The following VPS35L variants were observed in gnomAD, a reference collection of about 807,000 sequenced individuals.
VPS35L encodes the protein VPS35 endosomal protein sorting factor like.
A neutral mutation model predicts 133.0 loss-of-function variants in VPS35L; 83 were observed. The observed-to-expected ratio is 0.62, with a 90% CI of 0.52 to 0.75. The LOEUF is 0.75. Ranked by LOEUF, VPS35L falls within the 30% of genes least tolerant of loss-of-function variation. The pLI is 0.00. For synonymous variants in VPS35L, 423 were observed against 449.9 expected, an observed-to-expected ratio of 0.94 and a Z score of 0.76; for missense variants, 1,083 against 1,206.8, an observed-to-expected ratio of 0.90 and a Z score of 1.52.
At position 19,699,577 on chromosome 16, in the gene VPS35L, A is replaced by G; in HGVS notation, c.2722A>G (p.Lys908Glu). 6.2e-7 allele frequency: 1 copy of G among 1,614,084 alleles called. No homozygotes were observed. The highest frequency in any genetic ancestry group is 8.5e-7 in the Non-Finnish European group (1 of 1,180,002). Residue 908 changes from lysine to glutamate, a missense_variant, in exon 30 of 31, where the codon AAG becomes GAG. Coordinates refer to ENST00000417362, the MANE Select transcript of VPS35L (RefSeq NM_020314.7). The surrounding 1 kb of genome is among the most constrained non-coding windows in gnomAD (Gnocchi z 4.2). Reference protein sequence around the residue: ...ILAHGDLRNNKLNQLSVNLWH... With the variant: ...ILAHGDLRNNELNQLSVNLWH... Reference sequence around the variant, plus strand: ...GGCCCATGGGGACCTACGCAACAACAAGCTCAACCAGCTCTCCGTCAACCT... The same window carrying G: ...GGCCCATGGGGACCTACGCAACAACGAGCTCAACCAGCTCTCCGTCAACCT...
chr16:19,699,437 C>A lies in VPS35L; in HGVS notation c.2647-65C>A. ...CCTACCCCAGAGTCAGCACTGTCCA[C>A]AGCATCTCTGCGGGGCACGGCCTGA... On this transcript the variant is annotated intron_variant, in intron 29 of 30. Transcript: ENST00000417362. This position sits in a 1 kb window ranked among gnomAD's most constrained non-coding sequence, Gnocchi z 4.2. 2 of 1,592,546 alleles carry A rather than the reference C, an allele frequency of 1.3e-6. No individual in the cohort carries two copies. The highest frequency in any genetic ancestry group is 1.7e-6 in the Non-Finnish European group (2 of 1,166,312).
intron 26 of VPS35L, among the ~76,000 whole-genome samples, chr16:19,653,728 G>C (rs1050762556): frequency 1.3e-5 from 2 of 152,182 alleles, no homozygotes; most frequent in African/African-American, 4.8e-5. Flanking sequence ...CATTGTCTTC[G>C]TAGGGCATTC....
intron 27 of VPS35L, among the ~76,000 whole-genome samples, chr16:19,673,373 T>C (rs1463913532): frequency 2.0e-5 from 3 of 152,218 alleles, no homozygotes; most frequent in Non-Finnish European, 4.4e-5. Context: ...ACCTGGCCAG[T>C]TGGCTGCAGC....
Position 19,577,868 on chromosome 16 carries a change from C to G in VPS35L, c.434-1184C>G, listed in dbSNP as rs1971584372. ...AGCAGGCTGTCATCAGGCACTGGGACCTAATCTGCTGGGACCTTGATCTTG... is the reference window on the plus strand; with the variant it reads ...AGCAGGCTGTCATCAGGCACTGGGAGCTAATCTGCTGGGACCTTGATCTTG... On this transcript the variant is annotated intron_variant, in intron 5 of 30. Coordinates refer to ENST00000417362, the MANE Select transcript of VPS35L (RefSeq NM_020314.7). Among the ~76,000 whole-genome samples the G allele has an allele frequency of 2.6e-5, 4 of 152,194 alleles. No homozygotes were observed. In the South Asian group the frequency reaches 8.3e-4, roughly 32 times the overall value.
At chr16:19,607,259 C>G (rs1464507011) in intron 9 of VPS35L, among the ~76,000 whole-genome samples, 1 of 152,184 alleles carries the variant, frequency 6.6e-6, no homozygotes, top group Non-Finnish European at 1.5e-5. Context: ...CAGCTAGCCC[C>G]TGGTACCAAG....
chr16:19,622,140 CTTTTTTTTTT>C (rs60521137), intron 14 of VPS35L, among the ~76,000 whole-genome samples: 17 of 107,920 alleles, frequency 1.6e-4, no homozygotes, highest in African/African-American at 5.7e-4. Flanking sequence ...CCATGTATAT[CTTTTTTTTTT>C]TTTTTTTTTT....
At chr16:19,651,909 A>C (rs1353179525) in intron 25 of VPS35L, 67 bp from the exon 26 acceptor site, 18 of 1,126,934 alleles carry the variant, frequency 1.6e-5, no homozygotes, top group Non-Finnish European at 2.4e-5. Context: ...TACATGAGGG[A>C]TGAAAACAGG....
At chr16:19,608,519 AG>A (rs111747648) in intron 10 of VPS35L, 5,054 of 479,664 alleles carry the variant, frequency 0.011, 206 homozygotes, top group African/African-American at 0.088. Flanking sequence ...TGTTTCCTTG[AG>A]GAACATTCCC....
At chr16:19,608,052 A>C in intron 9 of VPS35L, 126 bp from the exon 10 acceptor site, 1 of 686,656 alleles carries the variant, frequency 1.5e-6, no homozygotes, top group South Asian at 1.7e-5. Context: ...TAATAGTGAT[A>C]TTTGGAAGGA....
At chr16:19,593,429 G>A (rs779209530) in intron 8 of VPS35L, among the ~76,000 whole-genome samples, 1 of 152,222 alleles carries the variant, frequency 6.6e-6, no homozygotes, top group Non-Finnish European at 1.5e-5. Context: ...ATCAATCTGA[G>A]AGACTCATTC....
intron 26 of VPS35L, among the ~76,000 whole-genome samples, chr16:19,660,022 G>A (rs940889650): frequency 3.3e-5 from 5 of 152,072 alleles, no homozygotes; most frequent in Admixed American, 1.3e-4. Context: ...GGAACATCTT[G>A]TCTTAAGAAC....
chr16:19,665,990 CT>C (rs1487808604), intron 26 of VPS35L, among the ~76,000 whole-genome samples: 1 of 151,514 alleles, frequency 6.6e-6, no homozygotes, highest in Non-Finnish European at 1.5e-5. Context: ...TGAGAAACAT[CT>C]ATTGAAATCT....
intron 9 of VPS35L, among the ~76,000 whole-genome samples, chr16:19,602,696 G>T (rs116989309): frequency 6.6e-6 from 1 of 152,040 alleles, no homozygotes; most frequent in Non-Finnish European, 1.5e-5. Flanking sequence ...TTCGCCTCCC[G>T]GATTCAAGCG....
intron 26 of VPS35L, 146 bp downstream of exon 26, chr16:19,652,236 G>A (rs1450498390): frequency 3.1e-6 from 2 of 642,074 alleles, no homozygotes; most frequent in East Asian, 2.9e-5. Flanking sequence ...GAATGTAGTA[G>A]TGCAATCATA....
Position 19,573,206 on chromosome 16 carries a change from C to G in VPS35L, c.373C>G (p.Leu125Val). 9 of 1,613,940 alleles carry G rather than the reference C, an allele frequency of 5.6e-6. No individual in the cohort carries two copies. Among genetic ancestry groups the G allele is most frequent in the Non-Finnish European group, 6.8e-6 (8 of 1,179,900 alleles). ...EPWTNKRGEILARYTTTEKLS... is the reference protein window; with the variant it reads ...EPWTNKRGEIVARYTTTEKLS... ...TTGGACCAACAAACGGGGAGAAATC[C>G]TTGCCCGGTACACCACTACCGAAAA... is the stretch of plus-strand genomic sequence containing the variant. The change falls in exon 4 of 31, where the codon CTT becomes GTT. Residue 125 changes from leucine to valine, a missense_variant. Physicochemically the swap from Leu to Val is conservative, Grantham distance 32. Transcript: ENST00000417362.
chr16:19,619,134 T>C lies in VPS35L; in HGVS notation c.1224+2326T>C, dbSNP rs144857711. On this transcript the variant is annotated intron_variant, in intron 14 of 30. Transcript: ENST00000417362. ...TTAGTAGAGATGCAGTTTCACCTTG[T>C]TGATCTCGTGCTGATCTCTAACTCC... Among the ~76,000 whole-genome samples, 333 of 152,016 alleles carry C rather than the reference T, an allele frequency of 2.2e-3. No individual in the cohort carries two copies. The Middle Eastern group carries it at 0.024, about 11-fold the overall frequency.
intron 27 of VPS35L, among the ~76,000 whole-genome samples, chr16:19,670,910 G>A (rs943733179): frequency 2.0e-5 from 3 of 152,198 alleles, no homozygotes; most frequent in South Asian, 2.1e-4. Context: ...AGTAGTAGCA[G>A]TAGCTGGGAC....
chr16:19,675,178 A>G (rs1017260838), intron 27 of VPS35L, among the ~76,000 whole-genome samples: 1 of 151,788 alleles, frequency 6.6e-6, no homozygotes, highest in African/African-American at 2.4e-5. Context: ...CTTGAACGCC[A>G]AGGCTCAAGT....
intron 18 of VPS35L, 87 bp downstream of exon 18, chr16:19,629,907 A>G: frequency 8.0e-7 from 1 of 1,249,980 alleles, no homozygotes; most frequent in South Asian, 1.2e-5. Flanking sequence ...GTATTGAGGC[A>G]TTTGACAACG....
Sources: allele counts gnomAD v4.1 joint callset (sites outside exome capture counted in the v4.1 genomes callset), GRCh38; gene constraint gnomAD v4.1.1; non-coding constraint Gnocchi (gnomAD v3.1); transcripts MANE v1.5; gene names NCBI Gene and HGNC (gene_info 2026-07-23, HGNC 2026-07-21).